The following CCBE1 variants were observed in gnomAD, a reference collection of about 807,000 sequenced individuals.
CCBE1 encodes collagen and calcium-binding EGF domain-containing protein 1.
Under a neutral mutation model 50.0 loss-of-function variants are expected in CCBE1, and 37 were observed. That is an observed-to-expected ratio of 0.74 (90% CI 0.57 to 0.97). The LOEUF is 0.97. Ranked by LOEUF, CCBE1 falls within the 50% of genes least tolerant of loss-of-function variation. CCBE1 has a pLI of 0.00. For synonymous variants in CCBE1, 234 were observed against 203.7 expected, an observed-to-expected ratio of 1.15 and a Z score of -1.27; for missense variants, 538 against 523.8, an observed-to-expected ratio of 1.03 and a Z score of -0.26.
At chr18:59,660,017 T>C (rs2054260714) in intron 2 of CCBE1, among the ~76,000 whole-genome samples, 1 of 152,192 alleles carries the variant, frequency 6.6e-6, no homozygotes, top group East Asian at 1.9e-4. Flanking sequence ...CGTGAGTTTG[T>C]TGGAGCTCAT....
intron 2 of CCBE1, among the ~76,000 whole-genome samples, chr18:59,693,814 G>A (rs1599144206): frequency 8.2e-6 from 1 of 121,808 alleles, no homozygotes; most frequent in South Asian, 2.9e-4. Flanking sequence ...AGTGAAAATT[G>A]TTTTATTAGT....
intron 2 of CCBE1, among the ~76,000 whole-genome samples, chr18:59,671,822 G>GC (rs1491525341): frequency 1.8e-4 from 13 of 71,866 alleles, no homozygotes; most frequent in Non-Finnish European, 3.0e-4. Flanking sequence ...TAAAAAAAAA[G>GC]GGGGGGGGTA....
At chr18:59,524,606 C>CT (rs1212398308) in intron 2 of CCBE1, among the ~76,000 whole-genome samples, 1 of 151,854 alleles carries the variant, frequency 6.6e-6, no homozygotes, top group Admixed American at 6.6e-5. Flanking sequence ...TTTTCATTAC[C>CT]TTTTTTAAAG....
chr18:59,498,081 G>A (rs897708380), intron 2 of CCBE1, among the ~76,000 whole-genome samples: 5 of 152,150 alleles, frequency 3.3e-5, no homozygotes, highest in African/African-American at 9.7e-5. Flanking sequence ...GAGGCACCAC[G>A]CCTAGGACTG....
chr18:59,583,654 CGTGT>C lies in CCBE1; in HGVS notation c.213-103420_213-103417del, dbSNP rs752150539. Among the ~76,000 whole-genome samples the C allele has an allele frequency of 7.0e-3, 998 of 142,204 alleles. 15 individuals carry two copies. The highest frequency in any genetic ancestry group is 0.06 in the East Asian group (283 of 4,752). 93.3% of individuals were successfully genotyped at this position (142,204 alleles called of 152,430 possible). On this transcript the variant is annotated intron_variant, in intron 2 of 10. Coordinates refer to ENST00000439986, the MANE Select transcript of CCBE1 (RefSeq NM_133459.4). ...AAGGCCTTACCCTGTCACTGCTTTG[CGTGT>C]GTGTGTGTGTGTGTGTGTGTGTGCG...
At chr18:59,480,156 G>C (rs1322818552) in intron 3 of CCBE1, 30 bp downstream of exon 3, 2 of 1,374,560 alleles carry the variant, frequency 1.5e-6, no homozygotes, top group Non-Finnish European at 2.1e-6. Flanking sequence ...TGTGAATAAA[G>C]TCAGACAATA....
chr18:59,433,917 A>T lies in CCBE1; in HGVS notation c.*1991T>A, dbSNP rs1180667793. The T allele has an allele frequency of 5.1e-4, 18 of 35,276 alleles. No individual in the cohort carries two copies. Among genetic ancestry groups the T allele is most frequent in the East Asian group, 1.6e-3 (2 of 1,258 alleles). 2.2% of individuals were successfully genotyped at this position (35,276 alleles called of 1,614,324 possible). On this transcript the variant is annotated 3_prime_UTR_variant, in exon 11 of 11. Transcript: ENST00000439986. ...TTTTTTTTTTTTTTTTTTTTTTTTT[A>T]ATGAGACAGAGTCTCCCTCTGTTGC...
chr18:59,697,226 C>A lies in CCBE1; in HGVS notation c.117G>T (p.Pro39=). 6.5e-7 allele frequency: 1 copy of A among 1,548,958 alleles called. No individual in the cohort carries two copies. The highest frequency in any genetic ancestry group is 8.7e-7 in the Non-Finnish European group (1 of 1,146,720). The change falls in exon 1 of 11, where the codon CCG becomes CCT. Residue 39 remains proline (P), a synonymous_variant. Coordinates refer to ENST00000439986, the MANE Select transcript of CCBE1 (RefSeq NM_133459.4). ...LGHTWTYREE[P]EDGDREICSE... is the part of the protein sequence containing the mutation. The stretch of plus-strand genomic sequence containing the variant: ...GCAGCGCTTACCTGTCGCCGTCCTC[C>A]GGCTCCTCTCTGTAGGTCCACGTGT...
intron 2 of CCBE1, among the ~76,000 whole-genome samples, chr18:59,516,420 C>G (rs1914375733): frequency 6.6e-6 from 1 of 152,064 alleles, no homozygotes; most frequent in Non-Finnish European, 1.5e-5. Context: ...AAGAAAGAGC[C>G]AGTGAAAATG....
intron 2 of CCBE1, among the ~76,000 whole-genome samples, chr18:59,484,948 T>C (rs1227715234): frequency 6.6e-6 from 1 of 152,208 alleles, no homozygotes; most frequent in East Asian, 1.9e-4. Flanking sequence ...TACAATAAAG[T>C]TGAGACAGCC....
chr18:59,466,993 C>T (rs2143722449), intron 4 of CCBE1, 102 bp from the exon 5 acceptor site: 2 of 1,049,814 alleles, frequency 1.9e-6, no homozygotes, highest in South Asian at 1.3e-5. Flanking sequence ...CAATGAAGGA[C>T]ACTTGGGCCG....
chr18:59,618,735 G>A (rs574555843), intron 2 of CCBE1, among the ~76,000 whole-genome samples: 2 of 152,184 alleles, frequency 1.3e-5, no homozygotes, highest in South Asian at 4.2e-4. Flanking sequence ...GCCTAGAAAA[G>A]TTTCTTTGCA....
intron 2 of CCBE1, among the ~76,000 whole-genome samples, chr18:59,513,992 A>G (rs1173552531): frequency 7.9e-5 from 12 of 152,212 alleles, no homozygotes; most frequent in Non-Finnish European, 1.6e-4. Flanking sequence ...CAGGGACCCC[A>G]GTAGCCACAA....
chr18:59,696,674 T>G lies in CCBE1; in HGVS notation c.167A>C (p.Lys56Thr), dbSNP rs1329446737. The change falls in exon 2 of 11, where the codon AAA becomes ACA. Residue 56 changes from lysine (K) to threonine (T), a missense_variant. Lys to Thr is a moderately conservative substitution (Grantham distance 78). Transcript: ENST00000439986. ...ICSESKIATT[K>T]YPCLKSSGEL... is the part of the protein sequence containing the mutation. Reference sequence around the variant, plus strand: ...GCCTGAAGACTTCAGACACGGGTATTTAGTCGTCGCGATTTTGCTCTCTGA... The same window carrying G: ...GCCTGAAGACTTCAGACACGGGTATGTAGTCGTCGCGATTTTGCTCTCTGA... 6.2e-6 allele frequency: 10 copies of G among 1,614,032 alleles called. No homozygotes were observed. The highest frequency in any genetic ancestry group is 8.5e-6 in the Non-Finnish European group (10 of 1,179,900).
intron 5 of CCBE1, among the ~76,000 whole-genome samples, chr18:59,455,789 G>C (rs1187149339): frequency 1.3e-5 from 2 of 152,244 alleles, no homozygotes; most frequent in African/African-American, 2.4e-5. Context: ...AGTGTGGGCT[G>C]AAAGTGCTAG....
At chr18:59,466,686 TA>T in intron 5 of CCBE1, 52 bp downstream of exon 5, 1 of 1,317,448 alleles carries the variant, frequency 7.6e-7, no homozygotes, top group Non-Finnish European at 1.1e-6. Flanking sequence ...TGGTTATATA[TA>T]TAATATATAA....
At chr18:59,672,596 C>A (rs2054447752) in intron 2 of CCBE1, among the ~76,000 whole-genome samples, 1 of 152,138 alleles carries the variant, frequency 6.6e-6, no homozygotes. Context: ...AGAGTGAGGC[C>A]CTCTCAGCTC....
chr18:59,663,428 G>A (rs2054312464), intron 2 of CCBE1, among the ~76,000 whole-genome samples: 1 of 152,168 alleles, frequency 6.6e-6, no homozygotes, highest in African/African-American at 2.4e-5. Flanking sequence ...TTATCAATGT[G>A]ATTATGAAGA....
At chr18:59,483,043 AG>A (rs1912651953) in intron 2 of CCBE1, among the ~76,000 whole-genome samples, 2 of 152,152 alleles carry the variant, frequency 1.3e-5, no homozygotes, top group East Asian at 3.9e-4. Context: ...TGTCACCTAC[AG>A]CCTATCATGT....
Sources: allele counts gnomAD v4.1 joint callset (sites outside exome capture counted in the v4.1 genomes callset), GRCh38; gene constraint gnomAD v4.1.1; transcripts MANE v1.5; gene names NCBI Gene and HGNC (gene_info 2026-07-23, HGNC 2026-07-21).